The following LIMD1 variants were observed in gnomAD, a reference collection of about 807,000 sequenced individuals.
LIMD1 encodes the protein LIM domain-containing protein 1.
LIMD1 carries 23 observed loss-of-function variants against 58.4 expected under a neutral mutation model. That is an observed-to-expected ratio of 0.39 (90% CI 0.28 to 0.56). LIMD1 has a LOEUF of 0.56. Among genes scored for constraint, LIMD1 ranks in the 20% least tolerant of loss-of-function variants. The pLI is 0.57. For missense variants in LIMD1, 838 were observed against 855.5 expected (o/e 0.98, Z 0.25); for synonymous variants, 334 against 345.5 (o/e 0.97, Z 0.37).
intron 1 of LIMD1, among the ~76,000 whole-genome samples, chr3:45,629,426 A>AG (rs1553644097): frequency 0.014 from 2,063 of 148,270 alleles, 47 homozygotes; most frequent in African/African-American, 0.05. Context: ...AAAAAAAAAA[A>AG]AAAAGAAAAG....
intron 2 of LIMD1, among the ~76,000 whole-genome samples, chr3:45,652,226 C>T (rs1701982062): frequency 6.6e-6 from 1 of 152,240 alleles, no homozygotes; most frequent in South Asian, 2.1e-4. Context: ...CATGCCCGGC[C>T]AGCCAATGTA....
intron 1 of LIMD1, among the ~76,000 whole-genome samples, chr3:45,627,327 G>A (rs527650499): frequency 6.6e-6 from 1 of 152,304 alleles, no homozygotes; most frequent in South Asian, 2.1e-4. Context: ...AGTGCAGTAG[G>A]ATGGACTGGA....
intron 1 of LIMD1, among the ~76,000 whole-genome samples, chr3:45,635,385 G>A (rs1701775607): frequency 6.6e-6 from 1 of 151,926 alleles, no homozygotes; most frequent in African/African-American, 2.4e-5. Flanking sequence ...CAGAAGGGCA[G>A]GAGTAGAATG....
intron 4 of LIMD1, among the ~76,000 whole-genome samples, chr3:45,670,809 C>T (rs1962892): frequency 0.81 from 123,759 of 152,154 alleles, 50,754 homozygotes; most frequent in African/African-American, 0.92. Flanking sequence ...TCAGGTCTTC[C>T]CTAGGACTTG....
At chr3:45,599,943 CA>C (rs3836518) in intron 1 of LIMD1, among the ~76,000 whole-genome samples, 14,588 of 152,152 alleles carry the variant, frequency 0.096, 1,195 homozygotes, top group African/African-American at 0.22. Flanking sequence ...TGAAGATTGG[CA>C]GTCATTGCCT....
At chr3:45,614,524 AC>A (rs1015146273) in intron 1 of LIMD1, among the ~76,000 whole-genome samples, 26 of 151,856 alleles carry the variant, frequency 1.7e-4, no homozygotes, top group African/African-American at 5.6e-4. Flanking sequence ...GAGATTCAAG[AC>A]CAGCCTGGGC....
chr3:45,615,355 G>T (rs781011534), intron 1 of LIMD1, among the ~76,000 whole-genome samples: 2 of 152,106 alleles, frequency 1.3e-5, no homozygotes, highest in Admixed American at 6.5e-5. Flanking sequence ...ATTTTATTTT[G>T]TATTTTATTT....
intron 2 of LIMD1, among the ~76,000 whole-genome samples, chr3:45,657,423 G>A (rs1697351090): frequency 2.0e-5 from 3 of 151,900 alleles, no homozygotes; most frequent in Admixed American, 1.3e-4. Flanking sequence ...CGCTTTGGGA[G>A]GCCAAGGCGG....
chr3:45,627,223 G>T (rs924125679), intron 1 of LIMD1, among the ~76,000 whole-genome samples: 1 of 152,150 alleles, frequency 6.6e-6, no homozygotes, highest in Admixed American at 6.5e-5. Flanking sequence ...TTGGGGATTC[G>T]CTGGTGCCCC....
intron 2 of LIMD1, among the ~76,000 whole-genome samples, chr3:45,664,020 G>A (rs1697480129): frequency 6.6e-6 from 1 of 151,948 alleles, no homozygotes; most frequent in Admixed American, 6.6e-5. Context: ...ACAGGTGCAT[G>A]CCACCATGCC....
In LIMD1 at chr3:45,677,112, T is replaced by C; in HGVS notation, c.*53T>C. 1 of 1,590,900 alleles carries C rather than the reference T, an allele frequency of 6.3e-7. No homozygotes were observed. The stretch of plus-strand genomic sequence containing the variant: ...GGGGATGAGGAGCCGGGGTTGCTGC[T>C]GCTGCTTCCGGTGGCCCCTGGGGTG... On this transcript the variant is annotated 3_prime_UTR_variant, in exon 8 of 8. Transcript: ENST00000273317.
At chr3:45,669,471 G>A (rs1463537415) in intron 4 of LIMD1, among the ~76,000 whole-genome samples, 1 of 152,002 alleles carries the variant, frequency 6.6e-6, no homozygotes, top group Non-Finnish European at 1.5e-5. Context: ...AATCTTAAGT[G>A]TACATCTGAA....
At chr3:45,664,494 C>T (rs1437940915) in intron 2 of LIMD1, among the ~76,000 whole-genome samples, 1 of 152,192 alleles carries the variant, frequency 6.6e-6, no homozygotes, top group African/African-American at 2.4e-5. Context: ...AAAAGTCCTA[C>T]AGGAACCTAC....
intron 2 of LIMD1, among the ~76,000 whole-genome samples, chr3:45,638,137 A>G (rs921385256): frequency 2.9e-4 from 44 of 151,598 alleles, no homozygotes; most frequent in African/African-American, 1.0e-3. Flanking sequence ...ATTGATTTCA[A>G]CATTCCTGAT....
chr3:45,658,814 C>A (rs1041218690), intron 2 of LIMD1, among the ~76,000 whole-genome samples: 4 of 151,892 alleles, frequency 2.6e-5, no homozygotes, highest in Non-Finnish European at 1.5e-5. Flanking sequence ...CTTGGCCTCT[C>A]AAAGTGCTAG....
At chr3:45,672,621 G>T in intron 4 of LIMD1, 69 bp from the exon 5 acceptor site, 1 of 1,548,914 alleles carries the variant, frequency 6.5e-7, no homozygotes. Flanking sequence ...TAGGCCTGAT[G>T]TGTTCCTCTC....
intron 1 of LIMD1, among the ~76,000 whole-genome samples, chr3:45,619,325 A>C (rs2125653500): frequency 6.6e-6 from 1 of 152,286 alleles, no homozygotes; most frequent in South Asian, 2.1e-4. Flanking sequence ...TCTTCTTTAT[A>C]CTTGAGTTTA....
At chr3:45,615,022 C>G (rs146724921) in intron 1 of LIMD1, among the ~76,000 whole-genome samples, 1 of 151,996 alleles carries the variant, frequency 6.6e-6, no homozygotes, top group Non-Finnish European at 1.5e-5. Flanking sequence ...AGCAGAACTT[C>G]CCCTCTTCTC....
At chr3:45,660,045 G>A (rs1195028579) in intron 2 of LIMD1, among the ~76,000 whole-genome samples, 1 of 152,206 alleles carries the variant, frequency 6.6e-6, no homozygotes, top group East Asian at 1.9e-4. Flanking sequence ...TTGGAATAGA[G>A]GTGATCTTCG....
Sources: allele counts gnomAD v4.1 joint callset (sites outside exome capture counted in the v4.1 genomes callset), GRCh38; gene constraint gnomAD v4.1.1; transcripts MANE v1.5; gene names NCBI Gene and HGNC (gene_info 2026-07-23, HGNC 2026-07-21).